Variants in AGBL4 observed in about 807,000 individuals in gnomAD.
AGBL4 encodes the protein AGBL carboxypeptidase 4, also known as cytosolic carboxypeptidase 6.
AGBL4 carries 58 observed loss-of-function variants against 66.4 expected under a neutral mutation model. The ratio of observed to expected loss-of-function variants is 0.87; its 90% confidence interval spans 0.71 to 1.09. The LOEUF (loss-of-function observed/expected upper bound fraction) is 1.09, where lower values mean the gene tolerates loss of function less well. Ranked by LOEUF, AGBL4 falls within the 50% of genes least tolerant of loss-of-function variation. AGBL4 has a pLI of 0.00. For missense variants in AGBL4, 579 were observed against 631.0 expected (o/e 0.92, Z 0.88); for synonymous variants, 234 against 222.9 (o/e 1.05, Z -0.44).
chr1:50,001,142 G>A (rs1179031529), intron 1 of AGBL4, among the ~76,000 whole-genome samples: 3 of 150,982 alleles, frequency 2.0e-5, no homozygotes, highest in African/African-American at 7.3e-5. Context: ...CTGTATATGT[G>A]GTATGACCAC....
intron 3 of AGBL4, among the ~76,000 whole-genome samples, chr1:49,680,859 G>A (rs1404302821): frequency 1.3e-5 from 2 of 149,364 alleles, no homozygotes; most frequent in Non-Finnish European, 3.0e-5. Context: ...AGATCATTCT[G>A]TTGAATTCCC....
intron 4 of AGBL4, among the ~76,000 whole-genome samples, chr1:49,053,970 ATAC>A (rs1339733542): frequency 1.3e-5 from 2 of 152,140 alleles, no homozygotes; most frequent in African/African-American, 4.8e-5. Flanking sequence ...TTATGCCAAA[ATAC>A]TACAATTTAC....
At chr1:48,764,105 G>A (rs576048724) in intron 6 of AGBL4, among the ~76,000 whole-genome samples, 1 of 152,276 alleles carries the variant, frequency 6.6e-6, no homozygotes, top group African/African-American at 2.4e-5. Context: ...CACAAGAAAA[G>A]AGAACCCAAG....
intron 3 of AGBL4, among the ~76,000 whole-genome samples, chr1:49,393,057 CAAA>C (rs1226073865): frequency 1.3e-5 from 2 of 151,980 alleles, no homozygotes; most frequent in Non-Finnish European, 2.9e-5. Flanking sequence ...CTCTGGGAAA[CAAA>C]GAAAATAATA....
At chr1:48,529,625 G>A (rs61772805), downstream of AGBL4, among the ~76,000 whole-genome samples, 2,148 of 152,196 alleles carry the variant, frequency 0.014, 23 homozygotes, top group Non-Finnish European at 0.017. Context: ...TCAGCCAAAA[G>A]GTACCAGACT....
intron 3 of AGBL4, among the ~76,000 whole-genome samples, chr1:49,268,899 A>G (rs1643991369): frequency 6.6e-6 from 1 of 152,166 alleles, no homozygotes; most frequent in Non-Finnish European, 1.5e-5. Flanking sequence ...TATTCTTTAT[A>G]CTATGATTTT....
intron 3 of AGBL4, among the ~76,000 whole-genome samples, chr1:49,587,761 G>C (rs1319957048): frequency 6.6e-6 from 1 of 152,218 alleles, no homozygotes; most frequent in South Asian, 2.1e-4. Context: ...ACAGCAACTT[G>C]TTGTTTGCAA....
chr1:49,386,952 AAC>A (rs1295134539), intron 3 of AGBL4, among the ~76,000 whole-genome samples: 5 of 151,990 alleles, frequency 3.3e-5, no homozygotes, highest in Admixed American at 1.3e-4. Flanking sequence ...TAAATAAAAT[AAC>A]ACATATGTGA....
rs563522993 is a variant in AGBL4, at chr1:49,808,046, G to A, written c.157+43350C>T. 5.9e-5 allele frequency among the ~76,000 whole-genome samples: 9 copies of A among 152,244 alleles called. No homozygotes were observed. The South Asian group carries it at 1.4e-3, about 25-fold the overall frequency. ...GTTGTTTAAAAGGAACCCAGTTTAC[G>A]GTACTTTGTTATAGCAACCTAAACA... On this transcript the variant is annotated intron_variant, in intron 2 of 13. Coordinates refer to ENST00000371839, the MANE Select transcript of AGBL4 (RefSeq NM_032785.4).
At chr1:49,737,887 C>A (rs1284791267) in intron 2 of AGBL4, among the ~76,000 whole-genome samples, 2 of 152,228 alleles carry the variant, frequency 1.3e-5, no homozygotes, top group Non-Finnish European at 2.9e-5. Flanking sequence ...TAGCTCCCAG[C>A]ATGAGCAACA....
At chr1:48,812,336 T>C (rs1289763536) in intron 6 of AGBL4, among the ~76,000 whole-genome samples, 1 of 152,102 alleles carries the variant, frequency 6.6e-6, no homozygotes, top group Non-Finnish European at 1.5e-5. Flanking sequence ...GGGCTATGGG[T>C]CATGAACAGA....
intron 4 of AGBL4, among the ~76,000 whole-genome samples, chr1:49,099,371 T>G (rs1645161013): frequency 6.6e-6 from 1 of 152,180 alleles, no homozygotes; most frequent in Admixed American, 6.5e-5. Context: ...TGCATAATTG[T>G]AAAAAGTCAT....
chr1:49,044,644 T>C (rs1644031430), intron 5 of AGBL4, among the ~76,000 whole-genome samples: 1 of 152,202 alleles, frequency 6.6e-6, no homozygotes, highest in Admixed American at 6.5e-5. Flanking sequence ...GATAAAGATC[T>C]TGCTATATGG....
intron 4 of AGBL4, among the ~76,000 whole-genome samples, chr1:49,080,160 AAC>A (rs1218142754): frequency 5.9e-5 from 9 of 152,166 alleles, no homozygotes; most frequent in African/African-American, 1.9e-4. Flanking sequence ...AACCAACAAA[AAC>A]ACAACAAAAC....
chr1:49,196,507 A>G (rs1478069242), intron 4 of AGBL4, among the ~76,000 whole-genome samples: 1 of 151,980 alleles, frequency 6.6e-6, no homozygotes, highest in African/African-American at 2.4e-5. Context: ...GGCATTTCAG[A>G]ATTTCTTTTG....
intron 3 of AGBL4, among the ~76,000 whole-genome samples, chr1:49,507,428 C>A (rs2148775330): frequency 6.6e-6 from 1 of 152,176 alleles, no homozygotes; most frequent in South Asian, 2.1e-4. Flanking sequence ...CCAACTTACA[C>A]TCCTGTTAGA....
chr1:49,584,334 T>A (rs1320597980), intron 3 of AGBL4, among the ~76,000 whole-genome samples: 2 of 152,194 alleles, frequency 1.3e-5, no homozygotes, highest in African/African-American at 4.8e-5. Flanking sequence ...TTAGAATGGA[T>A]CTTAAACGTC....
intron 1 of AGBL4, among the ~76,000 whole-genome samples, chr1:49,934,114 T>C (rs1653671609): frequency 6.6e-6 from 1 of 152,074 alleles, no homozygotes; most frequent in African/African-American, 2.4e-5. Flanking sequence ...GATAAAATCA[T>C]CATAAGTAGA....
intron 5 of AGBL4, among the ~76,000 whole-genome samples, chr1:48,897,873 G>A (rs1444530884): frequency 6.9e-6 from 1 of 144,652 alleles, no homozygotes; most frequent in Non-Finnish European, 1.5e-5. Flanking sequence ...GCAGTGGCAC[G>A]ATCTCGGTTC....
Sources: gnomAD v4.1 joint callset for allele counts (sites outside exome capture counted in the v4.1 genomes callset) on GRCh38, gnomAD v4.1.1 for gene constraint, MANE v1.5 for transcripts, NCBI Gene and HGNC (gene_info 2026-07-23, HGNC 2026-07-21) for gene names.